PLA2G6: variants seen among roughly 807,000 people sequenced by gnomAD.
The protein encoded by PLA2G6 is phospholipase A2 group VI.
PLA2G6 carries 62 observed loss-of-function variants against 83.8 expected under a neutral mutation model. That is an observed-to-expected ratio of 0.74 (90% CI 0.60 to 0.91). The LOEUF (loss-of-function observed/expected upper bound fraction) is 0.91, where lower values mean the gene tolerates loss of function less well. Among genes scored for constraint, PLA2G6 ranks in the 40% least tolerant of loss-of-function variants. The pLI is 0.00. For synonymous variants in PLA2G6, 417 were observed against 449.8 expected, an observed-to-expected ratio of 0.93 and a Z score of 0.92; for missense variants, 944 against 1,102.0, an observed-to-expected ratio of 0.86 and a Z score of 2.03.
chr22:38,178,402 C>T (rs543999790), intron 1 of PLA2G6, among the ~76,000 whole-genome samples: 3 of 152,090 alleles, frequency 2.0e-5, no homozygotes, highest in Non-Finnish European at 4.4e-5. Flanking sequence ...GAGACCTCAC[C>T]TCTACAAAAA....
chr22:38,168,692 A>T (rs945582982), intron 2 of PLA2G6, among the ~76,000 whole-genome samples: 1 of 152,248 alleles, frequency 6.6e-6, no homozygotes, highest in African/African-American at 2.4e-5. Flanking sequence ...TCTGCTAAAA[A>T]TACAAAAATC....
Position 38,112,073 on chromosome 22 carries a change from G to T in PLA2G6, c.*88C>A. ...ATGGACTCAGAGGTGCCTGGGCCCA[G>T]ATCTGCCCGGGAGGGCAGTGGCTGG... is the stretch of plus-strand genomic sequence containing the variant. On this transcript the variant is annotated 3_prime_UTR_variant, in exon 17 of 17. Transcript: ENST00000332509. 3 of 1,466,512 alleles carry T rather than the reference G, an allele frequency of 2.0e-6. No individual in the cohort carries two copies. Among genetic ancestry groups the T allele is most frequent in the Non-Finnish European group, 2.8e-6 (3 of 1,072,314 alleles). 90.8% of individuals were successfully genotyped at this position (1,466,512 alleles called of 1,614,324 possible).
intron 1 of PLA2G6, among the ~76,000 whole-genome samples, chr22:38,170,415 A>T (rs530434654): frequency 2.0e-4 from 31 of 152,070 alleles, no homozygotes; most frequent in Non-Finnish European, 4.1e-4. Flanking sequence ...CTTGGAAATG[A>T]ACGAACTGCA....
At chr22:38,143,749 T>C in intron 3 of PLA2G6, 1 of 298,334 alleles carries the variant, frequency 3.4e-6, no homozygotes, top group South Asian at 3.2e-5. Flanking sequence ...TTTTGTTTTG[T>C]TTTGTTTTTT....
intron 3 of PLA2G6, chr22:38,144,634 A>C (rs1485712310): frequency 2.4e-5 from 3 of 125,566 alleles, no homozygotes; most frequent in Admixed American, 7.4e-5. Flanking sequence ...CTCCGTCTCA[A>C]AAAAAAAAAA....
chr22:38,155,212 G>A (rs2089729611), intron 2 of PLA2G6, among the ~76,000 whole-genome samples: 1 of 150,054 alleles, frequency 6.7e-6, no homozygotes, highest in East Asian at 2.0e-4. Context: ...GGGCGACAGA[G>A]CAAGACTCCA....
At chr22:38,179,490 TC>T (rs200725415) in intron 1 of PLA2G6, among the ~76,000 whole-genome samples, 1 of 118,248 alleles carries the variant, frequency 8.5e-6, no homozygotes, top group Admixed American at 8.8e-5. Flanking sequence ...AATTCTAAAC[TC>T]TTAAGTTTGA....
intron 10 of PLA2G6, among the ~76,000 whole-genome samples, chr22:38,125,285 C>T (rs1001049608): frequency 9.2e-5 from 14 of 151,892 alleles, no homozygotes; most frequent in African/African-American, 2.9e-4. Flanking sequence ...GTGGGCAACC[C>T]GCAGGCATGT....
chr22:38,113,910 C>A, intron 14 of PLA2G6: 1 of 598,984 alleles, frequency 1.7e-6, no homozygotes, highest in Non-Finnish European at 3.2e-6. Context: ...CATACACCAG[C>A]TGCAAGAAGG....
At chr22:38,130,092 G>A in intron 7 of PLA2G6, 1 of 247,212 alleles carries the variant, frequency 4.0e-6, no homozygotes, top group Non-Finnish European at 8.0e-6. Flanking sequence ...CCGGGCAGGG[G>A]CGCAGAGCAT....
At chr22:38,117,173 G>A (rs1180008678) in intron 12 of PLA2G6, among the ~76,000 whole-genome samples, 1 of 151,982 alleles carries the variant, frequency 6.6e-6, no homozygotes, top group Non-Finnish European at 1.5e-5. Flanking sequence ...CCCAAAATAG[G>A]AAAAAACGGG....
chr22:38,132,917 C>T lies in PLA2G6; in HGVS notation c.991G>A (p.Asp331Asn), dbSNP rs199935023. 5.5e-5 allele frequency: 85 copies of T among 1,557,038 alleles called. No individual in the cohort carries two copies. Among genetic ancestry groups the T allele is most frequent in the East Asian group, 9.7e-5 (4 of 41,432 alleles). Residue 331 changes from aspartate (D) to asparagine (N), a missense_variant, in exon 7 of 17, where the codon GAC (aspartate) becomes AAC (asparagine). Asp to Asn is a conservative substitution (Grantham distance 23). Transcript: ENST00000332509. This position sits in a 1 kb window ranked among gnomAD's most constrained non-coding sequence, Gnocchi z 5.0. ...LHVAVMRNRF[D>N]CAIVLLTHGA... ...TGGGTCAGCAGCACTATGGCACAGT[C>T]GAAGCGGTTGCGCATCACCGCCACG...
At chr22:38,157,863 C>T (rs766419587) in intron 2 of PLA2G6, among the ~76,000 whole-genome samples, 8 of 151,886 alleles carry the variant, frequency 5.3e-5, no homozygotes, top group Non-Finnish European at 1.0e-4. Context: ...GGTGAAACCC[C>T]GTCTCTACTA....
intron 1 of PLA2G6, among the ~76,000 whole-genome samples, chr22:38,171,577 G>C (rs1008522959): frequency 6.6e-6 from 1 of 152,066 alleles, no homozygotes; most frequent in Non-Finnish European, 1.5e-5. Context: ...CCAGCACTCT[G>C]GGAGGCTGAG....
At chr22:38,177,458 CTTTT>C (rs72012543) in intron 1 of PLA2G6, among the ~76,000 whole-genome samples, 24 of 115,634 alleles carry the variant, frequency 2.1e-4, no homozygotes, top group East Asian at 9.6e-4. Flanking sequence ...TAAATTGCCA[CTTTT>C]TTTTTTTTTT....
Position 38,126,389 on chromosome 22 carries a change from A to T in PLA2G6, c.1409T>A (p.Met470Lys), listed in dbSNP as rs778890839. 6.2e-7 allele frequency: 1 copy of T among 1,613,438 alleles called. No individual in the cohort carries two copies. The highest frequency in any genetic ancestry group is 8.5e-7 in the Non-Finnish European group (1 of 1,179,644). Residue 470 changes from methionine to lysine, a missense_variant, in exon 10 of 17, where the codon ATG becomes AAG. Coordinates refer to ENST00000332509, the MANE Select transcript of PLA2G6 (RefSeq NM_003560.4). ...ARKPAFILGS[M>K]RDEKRTHDHL... Reference sequence around the variant, plus strand: ...CACTTACGTCCGCTTCTCGTCCCTCATGGAGCCCAGGATGAACGCTGGCTT... The same window carrying T: ...CACTTACGTCCGCTTCTCGTCCCTCTTGGAGCCCAGGATGAACGCTGGCTT...
rs536320878 is a variant in PLA2G6 at position 38,128,821 on chromosome 22, T to C, written c.1187-391A>G. 2.6e-5 allele frequency among the ~76,000 whole-genome samples: 4 copies of C among 152,340 alleles called. No homozygotes were observed. The South Asian group carries it at 8.3e-4, about 32-fold the overall frequency. ...AGCCAGCCAGGGGGCACCTACTCCATTTGATGGATGGGATTGCTGAAAAGG... is the reference window on the plus strand; with the variant it reads ...AGCCAGCCAGGGGGCACCTACTCCACTTGATGGATGGGATTGCTGAAAAGG... On this transcript the variant is annotated intron_variant, in intron 8 of 16. Transcript: ENST00000332509. This position sits in a 1 kb window ranked among gnomAD's most constrained non-coding sequence, Gnocchi z 4.4.
Position 38,181,482 on chromosome 22 carries a change from A to G in PLA2G6, c.-46+182T>C, listed in dbSNP as rs569236250. ...CTCGGGAAGTTAGGGATACTGAGGG[A>G]GACACACGGAGGAGACTGGGGTTCA... On this transcript the variant is annotated intron_variant, in intron 1 of 16. Coordinates refer to ENST00000332509, the MANE Select transcript of PLA2G6 (RefSeq NM_003560.4). Among the ~76,000 whole-genome samples, 3 of 152,132 alleles carry G rather than the reference A, an allele frequency of 2.0e-5. No individual in the cohort carries two copies. The East Asian group carries it at 5.8e-4, about 30-fold the overall frequency.
At chr22:38,152,987 C>T (rs2089630609) in intron 2 of PLA2G6, among the ~76,000 whole-genome samples, 2 of 151,440 alleles carry the variant, frequency 1.3e-5, no homozygotes, top group Non-Finnish European at 2.9e-5. Context: ...AAAGGAAGCA[C>T]ATAGGTGTTG....
Sources: allele counts gnomAD v4.1 joint callset (sites outside exome capture counted in the v4.1 genomes callset), GRCh38; gene constraint gnomAD v4.1.1; non-coding constraint Gnocchi (gnomAD v3.1); transcripts MANE v1.5; gene names NCBI Gene and HGNC (gene_info 2026-07-23, HGNC 2026-07-21).